Variants in SDC2 observed in about 807,000 individuals in gnomAD.
SDC2 encodes syndecan-2.
In SDC2, 13 loss-of-function variants were observed where a neutral mutation model predicts 22.2. The observed-to-expected ratio is 0.59, with a 90% confidence interval of 0.38 to 0.93. The LOEUF (loss-of-function observed/expected upper bound fraction) is 0.93, where lower values mean the gene tolerates loss of function less well. Among genes scored for constraint, SDC2 ranks in the 40% least tolerant of loss-of-function variants. SDC2 has a pLI of 0.00. For synonymous variants in SDC2, 94 were observed against 92.8 expected, an observed-to-expected ratio of 1.01 and a Z score of -0.07; for missense variants, 235 against 246.8, an observed-to-expected ratio of 0.95 and a Z score of 0.32.
At chr8:96,562,999 AATTTG>A in intron 1 of SDC2, among the ~76,000 whole-genome samples, 1 of 151,772 alleles carries the variant, frequency 6.6e-6, no homozygotes, top group African/African-American at 2.4e-5. Flanking sequence ...CATCACCCCT[AATTTG>A]TTTTCGTGGC....
At chr8:96,567,389 A>C (rs900285527) in intron 1 of SDC2, among the ~76,000 whole-genome samples, 1 of 152,180 alleles carries the variant, frequency 6.6e-6, no homozygotes, top group African/African-American at 2.4e-5. Context: ...TTAGGGATAC[A>C]TGGTTTTTGG....
chr8:96,527,258 A>C (rs1047499457), intron 1 of SDC2, among the ~76,000 whole-genome samples: 2 of 151,968 alleles, frequency 1.3e-5, no homozygotes, highest in Non-Finnish European at 2.9e-5. Context: ...AATGCACCCT[A>C]TTTTGCTATA....
At chr8:96,524,231 A>C (rs578124893) in intron 1 of SDC2, among the ~76,000 whole-genome samples, 1 of 152,230 alleles carries the variant, frequency 6.6e-6, no homozygotes, top group Non-Finnish European at 1.5e-5. Flanking sequence ...ATGAACCTAA[A>C]ATAAAATTGA....
chr8:96,509,241 A>C (rs1485304734), intron 1 of SDC2, among the ~76,000 whole-genome samples: 1 of 142,004 alleles, frequency 7.0e-6, no homozygotes, highest in Non-Finnish European at 1.6e-5. Context: ...CTAATGCCTT[A>C]ATTAATGGGT....
chr8:96,497,925 T>G (rs558820574), intron 1 of SDC2, among the ~76,000 whole-genome samples: 4 of 152,292 alleles, frequency 2.6e-5, no homozygotes, highest in African/African-American at 9.6e-5. Context: ...TTGCAGAATC[T>G]CCAAACCACT....
Position 96,494,302 on chromosome 8 carries a change from G to T in SDC2, c.31G>T (p.Gly11Cys). ...GCGCGCGTGGATCCTGCTCACCTTG[G>T]GCTTGGTGGCCTGCGTGTCGGCGGA... is the stretch of plus-strand genomic sequence containing the variant. MRRAWILLTL[G>C]LVACVSAESR... is the part of the protein sequence containing the mutation. The change falls in exon 1 of 5, where the codon GGC (glycine) becomes TGC (cysteine). Residue 11 changes from glycine to cysteine, a missense_variant. By Grantham distance (159) the Gly-to-Cys change is radical. Transcript: ENST00000302190. 1.3e-6 allele frequency: 2 copies of T among 1,546,854 alleles called. No individual in the cohort carries two copies. Among genetic ancestry groups the T allele is most frequent in the South Asian group, 1.2e-5 (1 of 84,288 alleles).
intron 3 of SDC2, among the ~76,000 whole-genome samples, chr8:96,606,443 C>T (rs931469680): frequency 1.1e-4 from 16 of 152,186 alleles, no homozygotes; most frequent in African/African-American, 3.6e-4. Context: ...GAATGAACAA[C>T]TCCTTTGAAT....
rs1193022133 is a variant in SDC2, at chr8:96,498,918, T to A, written c.60+4587T>A. On this transcript the variant is annotated intron_variant, in intron 1 of 4. Transcript: ENST00000302190. Reference sequence around the variant, plus strand: ...ATGTCAGTAGCCTTGTAGTTGCCATTCCTGGCCCAGACACTTGCATGCAGT... The same window carrying A: ...ATGTCAGTAGCCTTGTAGTTGCCATACCTGGCCCAGACACTTGCATGCAGT... Among the ~76,000 whole-genome samples the A allele has an allele frequency of 2.0e-5, 3 of 152,196 alleles. No individual in the cohort carries two copies. In the East Asian group the frequency reaches 5.8e-4, roughly 29 times the overall value.
intron 1 of SDC2, chr8:96,586,482 A>G (rs1814689301): frequency 6.6e-6 from 1 of 152,268 alleles, no homozygotes; most frequent in Non-Finnish European, 1.5e-5. Context: ...CAGTGGTATA[A>G]GAAGAGCCCC....
intron 1 of SDC2, among the ~76,000 whole-genome samples, chr8:96,590,225 C>T (rs1324833684): frequency 6.6e-6 from 1 of 152,234 alleles, no homozygotes; most frequent in African/African-American, 2.4e-5. Flanking sequence ...GTACTCTGGA[C>T]CCTGTTAGCC....
At chr8:96,561,142 G>T (rs2130561492) in intron 1 of SDC2, among the ~76,000 whole-genome samples, 1 of 152,198 alleles carries the variant, frequency 6.6e-6, no homozygotes, top group South Asian at 2.1e-4. Flanking sequence ...TTAAAAGAGA[G>T]ACAAAATAAT....
chr8:96,514,818 C>T (rs897660094), intron 1 of SDC2, among the ~76,000 whole-genome samples: 1 of 152,042 alleles, frequency 6.6e-6, no homozygotes, highest in African/African-American at 2.4e-5. Context: ...TGACAGGAGG[C>T]GGAGTGCAGG....
Position 96,602,390 on chromosome 8 carries a change from T to C in SDC2, c.173-5T>C, listed in dbSNP as rs775386422. The C allele has an allele frequency of 6.2e-7, 1 of 1,613,452 alleles. No individual in the cohort carries two copies. Among genetic ancestry groups the C allele is most frequent in the East Asian group, 2.2e-5 (1 of 44,864 alleles). On this transcript the variant is annotated splice_region_variant and splice_polypyrimidine_tract_variant and intron_variant, in intron 2 of 4. Transcript: ENST00000302190. ...TGCTCAGTTCATCTTCACTTACTTT[T>C]CCAGGAGCTGATGAGGATGTAGAGA...
intron 1 of SDC2, among the ~76,000 whole-genome samples, chr8:96,501,229 A>T (rs544078109): frequency 6.6e-6 from 1 of 151,326 alleles, no homozygotes; most frequent in South Asian, 2.1e-4. Flanking sequence ...TAAGAATGAC[A>T]CACGGGACAA....
intron 1 of SDC2, among the ~76,000 whole-genome samples, chr8:96,592,148 T>G (rs1313949363): frequency 6.6e-6 from 1 of 152,182 alleles, no homozygotes. Flanking sequence ...GTGTGATAGC[T>G]CAAACAAAAT....
intron 1 of SDC2, among the ~76,000 whole-genome samples, chr8:96,539,364 C>T (rs765894416): frequency 2.0e-5 from 3 of 152,088 alleles, no homozygotes; most frequent in African/African-American, 4.8e-5. Flanking sequence ...CTGATCTTCT[C>T]GACTAGATTT....
intron 1 of SDC2, among the ~76,000 whole-genome samples, chr8:96,498,505 C>G (rs1813109652): frequency 6.6e-6 from 1 of 151,518 alleles, no homozygotes; most frequent in South Asian, 2.1e-4. Context: ...GAGTCTCACT[C>G]TGTCACCCAG....
chr8:96,510,854 ATTC>A (rs1478748533), intron 1 of SDC2, among the ~76,000 whole-genome samples: 6 of 152,090 alleles, frequency 3.9e-5, no homozygotes, highest in African/African-American at 1.4e-4. Context: ...GCAAATGTGA[ATTC>A]TCTTCGTTCT....
Position 96,609,440 on chromosome 8 carries a change from G to C in SDC2, c.498G>C (p.Leu166=), listed in dbSNP as rs1815138958. 2 of 1,613,546 alleles carry C rather than the reference G, an allele frequency of 1.2e-6. No homozygotes were observed. The highest frequency in any genetic ancestry group is 2.2e-5 in the East Asian group (1 of 44,854). The change falls in exon 5 of 5, where the codon CTG becomes CTC. Residue 166 remains leucine, a synonymous_variant. Coordinates refer to ENST00000302190, the MANE Select transcript of SDC2 (RefSeq NM_002998.4). ...GFLFAIFLIL[L]LVYRMRKKDE... ...TCTTTGCAATTTTTCTTATCCTGCT[G>C]TTGGTGTATCGCATGAGAAAGAAGG...
Sources: gnomAD v4.1 joint callset for allele counts (sites outside exome capture counted in the v4.1 genomes callset) on GRCh38, gnomAD v4.1.1 for gene constraint, MANE v1.5 for transcripts, NCBI Gene and HGNC (gene_info 2026-07-23, HGNC 2026-07-21) for gene names.